Variants in PAPPA observed in about 807,000 individuals in gnomAD.
The protein encoded by PAPPA is pappalysin 1, also known as pappalysin-1.
A neutral mutation model predicts 164.0 loss-of-function variants in PAPPA; 60 were observed. The ratio of observed to expected loss-of-function variants is 0.37; its 90% CI spans 0.30 to 0.45. PAPPA has a LOEUF of 0.45. PAPPA is among the 20% of genes least tolerant of loss of function. The pLI, the probability that PAPPA is intolerant of heterozygous loss-of-function variation, is 1.00. For missense variants in PAPPA, 1,782 were observed against 2,087.3 expected, an observed-to-expected ratio of 0.85 and a Z score of 2.85; for synonymous variants, 875 against 814.1, an observed-to-expected ratio of 1.07 and a Z score of -1.27.
chr9:116,286,058 TAAAATG>T (rs1436579468), intron 9 of PAPPA: 1 of 152,142 alleles, frequency 6.6e-6, no homozygotes, highest in African/African-American at 2.4e-5. Context: ...GGGGCTTCTT[TAAAATG>T]TTAATGTTAC....
In PAPPA at chr9:116,187,175, A is replaced by C. The variant is rs541801151; in HGVS notation, c.437A>C (p.Tyr146Ser). 15 of 1,613,724 alleles carry C rather than the reference A, an allele frequency of 9.3e-6. No homozygotes were observed. The African/African-American group carries it at 1.9e-4, about 20-fold the overall frequency. Residue 146 changes from tyrosine to serine, a missense_variant, in exon 2 of 22, where the codon TAT becomes TCT. Physicochemically the swap from Tyr to Ser is moderately radical, Grantham distance 144 (BLOSUM62 -2). Transcript: ENST00000328252. The surrounding 1 kb of genome is among the most constrained non-coding windows in gnomAD (Gnocchi z 4.2). The part of the protein sequence containing the change: ...VITGLYDKCS[Y>S]ISRDRGWVVG... ...ATAGGGCTGTATGACAAATGTTCTT[A>C]TATCTCACGTGACCGAGGATGGGTC...
rs188251176 is a variant in PAPPA, at chr9:116,352,758, G to A, written c.4017G>A (p.Glu1339=). The change falls in exon 16 of 22, where the codon GAG becomes GAA. Residue 1339 remains glutamate (E), a synonymous_variant. Coordinates refer to ENST00000328252, the MANE Select transcript of PAPPA (RefSeq NM_002581.5). The part of the protein sequence containing the change: ...CMEDGLWSFP[E]ALCELMCLAP... ...AGGATGGGCTGTGGTCCTTCCCAGAGGCCCTGTGTGAGCTCATGTGCCTCG... is the reference window on the plus strand; with the variant it reads ...AGGATGGGCTGTGGTCCTTCCCAGAAGCCCTGTGTGAGCTCATGTGCCTCG... The A allele has an allele frequency of 6.2e-7, 1 of 1,613,768 alleles. No homozygotes were observed. The highest frequency in any genetic ancestry group is 1.3e-5 in the African/African-American group (1 of 75,034).
intron 18 of PAPPA, among the ~76,000 whole-genome samples, chr9:116,366,601 T>G (rs150023450): frequency 3.0e-4 from 45 of 152,364 alleles, no homozygotes; most frequent in African/African-American, 1.1e-3. Context: ...ACTCACTGTC[T>G]CTTGCACTCA....
intron 10 of PAPPA, among the ~76,000 whole-genome samples, chr9:116,317,614 C>A (rs1189945513): frequency 6.6e-6 from 1 of 152,196 alleles, no homozygotes; most frequent in East Asian, 1.9e-4. Context: ...CATTACCCAG[C>A]CCTGTTTTAG....
intron 20 of PAPPA, among the ~76,000 whole-genome samples, chr9:116,381,881 C>T (rs548169515): frequency 2.6e-5 from 4 of 152,348 alleles, no homozygotes; most frequent in African/African-American, 9.6e-5. Flanking sequence ...AGCCCACTAT[C>T]ACACACAGAC....
chr9:116,238,616 G>A (rs1256269937), intron 7 of PAPPA, among the ~76,000 whole-genome samples: 2 of 152,134 alleles, frequency 1.3e-5, no homozygotes, highest in Non-Finnish European at 2.9e-5. Flanking sequence ...TAGTGAGGTC[G>A]ACACTCTTAT....
chr9:116,228,838 G>A (rs446497), intron 6 of PAPPA, among the ~76,000 whole-genome samples: 70,469 of 151,848 alleles, frequency 0.46, 17,026 homozygotes, highest in East Asian at 0.73. Context: ...GGAAGTTCTC[G>A]AAATCTGCAA....
intron 7 of PAPPA, among the ~76,000 whole-genome samples, chr9:116,237,789 G>A (rs1404112829): frequency 6.6e-6 from 1 of 150,806 alleles, no homozygotes; most frequent in African/African-American, 2.4e-5. Context: ...GTGTGATCTT[G>A]GCTCGCTGCA....
intron 19 of PAPPA, among the ~76,000 whole-genome samples, chr9:116,375,339 C>G (rs1226325968): frequency 2.6e-5 from 4 of 152,172 alleles, no homozygotes; most frequent in Admixed American, 2.6e-4. Context: ...GGAAGATCAT[C>G]AAGTTAAGCT....
At chr9:116,247,954 T>C (rs1213158285) in intron 7 of PAPPA, among the ~76,000 whole-genome samples, 2 of 152,156 alleles carry the variant, frequency 1.3e-5, no homozygotes. Flanking sequence ...CAAGGAGTGG[T>C]GGGAAAAACT....
intron 21 of PAPPA, among the ~76,000 whole-genome samples, chr9:116,387,385 T>A (rs949992760): frequency 6.6e-6 from 1 of 152,192 alleles, no homozygotes; most frequent in Non-Finnish European, 1.5e-5. Context: ...GTAGATGTTG[T>A]TCTTTTTTCT....
At chr9:116,226,317 C>G (rs1339772551) in intron 5 of PAPPA, among the ~76,000 whole-genome samples, 1 of 152,092 alleles carries the variant, frequency 6.6e-6, no homozygotes. Context: ...CGGGGAGAAA[C>G]AGCACACTCT....
intron 9 of PAPPA, among the ~76,000 whole-genome samples, chr9:116,300,755 G>A (rs1046105143): frequency 6.6e-6 from 1 of 152,150 alleles, no homozygotes; most frequent in South Asian, 2.1e-4. Context: ...TTTCTAGCTA[G>A]GGGAAAGTTG....
intron 10 of PAPPA, among the ~76,000 whole-genome samples, chr9:116,312,475 C>T (rs1587998986): frequency 6.6e-6 from 1 of 152,046 alleles, no homozygotes; most frequent in African/African-American, 2.4e-5. Context: ...CTTGCTGAGC[C>T]TGCTGCTTTG....
At chr9:116,337,127 C>T (rs16933442) in intron 13 of PAPPA, among the ~76,000 whole-genome samples, 28 of 152,122 alleles carry the variant, frequency 1.8e-4, no homozygotes, top group African/African-American at 4.6e-4. Context: ...CAGCAAGGCA[C>T]GAGTAGCAGA....
At chr9:116,304,465 C>T (rs1378514333) in intron 10 of PAPPA, among the ~76,000 whole-genome samples, 1 of 152,226 alleles carries the variant, frequency 6.6e-6, no homozygotes, top group Non-Finnish European at 1.5e-5. Context: ...AAATTCAACA[C>T]TAGCATCCAG....
chr9:116,383,627 C>G (rs1846762907), intron 21 of PAPPA, among the ~76,000 whole-genome samples: 1 of 152,132 alleles, frequency 6.6e-6, no homozygotes, highest in Non-Finnish European at 1.5e-5. Flanking sequence ...ATCTCTGACC[C>G]AAAATACAGG....
At position 116,377,584 on chromosome 9, in the gene PAPPA, C is replaced by A; in HGVS notation, c.4614C>A (p.Val1538=). 1 of 1,613,356 alleles carries A rather than the reference C, an allele frequency of 6.2e-7. No individual in the cohort carries two copies. Among genetic ancestry groups the A allele is most frequent in the Non-Finnish European group, 8.5e-7 (1 of 1,179,342 alleles). ...TCTCCCTCTTCCCACAGAGAGTTGT[C>A]TGCACTGCTGGTCTCAAGTGGTATC... ...WLNPTRVERV[V]CTAGLKWYPH... is the part of the protein sequence containing the mutation. Residue 1538 remains valine (V), a synonymous_variant, in exon 20 of 22, where the codon GTC becomes GTA. Coordinates refer to ENST00000328252, the MANE Select transcript of PAPPA (RefSeq NM_002581.5).
At position 116,377,776 on chromosome 9, in the gene PAPPA, T is replaced by G. The variant is rs115685671; in HGVS notation, c.4677+129T>G. The G allele has an allele frequency of 9.4e-4, 634 of 677,494 alleles. 5 individuals are homozygous for G. The African/African-American group carries it at 0.01, about 11-fold the overall frequency. 42.0% of individuals were successfully genotyped at this position (677,494 alleles called of 1,614,324 possible). On this transcript the variant is annotated intron_variant, in intron 20 of 21. Coordinates refer to ENST00000328252, the MANE Select transcript of PAPPA (RefSeq NM_002581.5). ...TGTTGAAAATATCCATTTAGCAGAC[T>G]TCTTGGACAGGGATTAGCAGCCTTA...
Sources: allele counts gnomAD v4.1 joint callset (sites outside exome capture counted in the v4.1 genomes callset), GRCh38; gene constraint gnomAD v4.1.1; non-coding constraint Gnocchi (gnomAD v3.1); transcripts MANE v1.5; gene names NCBI Gene and HGNC (gene_info 2026-07-23, HGNC 2026-07-21).